HERC1: variants seen among roughly 807,000 people sequenced by gnomAD.
HERC1 encodes probable E3 ubiquitin-protein ligase HERC1.
HERC1 carries 160 observed loss-of-function variants against 554.3 expected under a neutral mutation model. The ratio of observed to expected loss-of-function variants is 0.29; its 90% confidence interval spans 0.25 to 0.33. The LOEUF is 0.33. HERC1 is among the 10% of genes least tolerant of loss of function. The probability of loss-of-function intolerance (pLI) is 1.00; values close to 1 mark genes in which losing one functional copy is unlikely to be tolerated. For missense variants in HERC1, 4,919 were observed against 5,918.5 expected (o/e 0.83, Z 5.54); for synonymous variants, 2,175 against 2,131.7 (o/e 1.02, Z -0.56).
At chr15:63,733,851 C>CA (rs200133130) in intron 13 of HERC1, among the ~76,000 whole-genome samples, 5,385 of 149,908 alleles carry the variant, frequency 0.036, 101 homozygotes, top group Middle Eastern at 0.1. Context: ...AACCCTGTCT[C>CA]AAAAAGAAAA....
chr15:63,656,057 G>A, intron 49 of HERC1, 31 bp downstream of exon 49: 2 of 1,605,496 alleles, frequency 1.2e-6, no homozygotes, highest in Non-Finnish European at 1.7e-6. Context: ...AATAATCAAT[G>A]TAACGGGGAA....
chr15:63,756,739 C>T lies in HERC1; in HGVS notation c.1231G>A (p.Gly411Arg). 1 of 1,573,232 alleles carries T rather than the reference C, an allele frequency of 6.4e-7. No homozygotes were observed. The highest frequency in any genetic ancestry group is 8.6e-7 in the Non-Finnish European group (1 of 1,158,968). ...GAAATGACAAAAGTGCAGTACTGTC[C>T]AGCTTCAATCTATAAACAAAGAATC... ...SFSDAQTIEAGQYCTFVISTD... is the reference protein window; with the variant it reads ...SFSDAQTIEARQYCTFVISTD... The change falls in exon 5 of 78, where the codon GGA becomes AGA. Residue 411 changes from glycine to arginine, a missense_variant. Physicochemically the swap from Gly to Arg is moderately radical, Grantham distance 125. Transcript: ENST00000443617. This position sits in a 1 kb window ranked among gnomAD's most constrained non-coding sequence, Gnocchi z 5.0.
intron 1 of HERC1, among the ~76,000 whole-genome samples, chr15:63,819,305 T>C (rs1222470163): frequency 6.6e-6 from 1 of 152,232 alleles, no homozygotes; most frequent in Non-Finnish European, 1.5e-5. Flanking sequence ...CATGGAAATT[T>C]GTCAAATGGA....
chr15:63,621,809 C>T (rs147348338), intron 74 of HERC1, among the ~76,000 whole-genome samples: 30 of 152,240 alleles, frequency 2.0e-4, no homozygotes, highest in Admixed American at 1.2e-3. Context: ...GCATTCATCA[C>T]GTAGTTTTCG....
intron 69 of HERC1, among the ~76,000 whole-genome samples, chr15:63,629,930 AC>A (rs1215275511): frequency 6.6e-6 from 1 of 151,814 alleles, no homozygotes; most frequent in Non-Finnish European, 1.5e-5. Context: ...GAATACATCA[AC>A]CTCTTGAGTC....
At chr15:63,774,558 G>C (rs2076062014) in intron 2 of HERC1, 136 bp downstream of exon 2, 2 of 687,762 alleles carry the variant, frequency 2.9e-6, no homozygotes, top group African/African-American at 1.8e-5. Flanking sequence ...TTCACTCCAA[G>C]TATATGAAAT....
At chr15:63,705,826 T>C (rs1031121840) in intron 25 of HERC1, among the ~76,000 whole-genome samples, 1 of 151,820 alleles carries the variant, frequency 6.6e-6, no homozygotes, top group African/African-American at 2.4e-5. Context: ...GCCCAGGAGT[T>C]CAAGACCAGC....
chr15:63,641,255 G>C (rs1268721081), intron 60 of HERC1, among the ~76,000 whole-genome samples: 3 of 152,142 alleles, frequency 2.0e-5, no homozygotes, highest in African/African-American at 7.2e-5. Flanking sequence ...CTTGGTGTTT[G>C]TTTCTTTATT....
rs537109307 is a variant in HERC1 at position 63,677,014 on chromosome 15, T to A, written c.7070+831A>T. The stretch of plus-strand genomic sequence containing the variant: ...AGAAGTGTTCTGGATTTCAGATTTT[T>A]TTCCCAAATTTTGGAATATTTACAT... On this transcript the variant is annotated intron_variant, in intron 37 of 77. Transcript: ENST00000443617. This position sits in a 1 kb window ranked among gnomAD's most constrained non-coding sequence, Gnocchi z 4.4. Among the ~76,000 whole-genome samples, 10 of 152,312 alleles carry A rather than the reference T, an allele frequency of 6.6e-5. No individual in the cohort carries two copies. Among genetic ancestry groups the A allele is most frequent in the Non-Finnish European group, 1.3e-4 (9 of 68,012 alleles).
Position 63,774,783 on chromosome 15 carries a change from T to C in HERC1, c.841A>G (p.Met281Val). The C allele has an allele frequency of 1.2e-6, 2 of 1,614,026 alleles. No individual in the cohort carries two copies. Among genetic ancestry groups the C allele is most frequent in the South Asian group, 2.2e-5 (2 of 91,086 alleles). ...CTTGAGAGTAGTTTGCCTTTCTCCA[T>C]GGTGTGTACAACTGCCGAAGCCCCC... Reference protein sequence around the residue: ...ALGASAVVHTMEKGKLLSSQE... With the variant: ...ALGASAVVHTVEKGKLLSSQE... Residue 281 changes from methionine to valine, a missense_variant, in exon 2 of 78, where the codon ATG becomes GTG. Physicochemically the swap from Met to Val is conservative, Grantham distance 21 (BLOSUM62 1). Transcript: ENST00000443617.
intron 11 of HERC1, 54 bp downstream of exon 11, chr15:63,747,670 A>G (rs2075104212): frequency 9.5e-7 from 1 of 1,048,350 alleles, no homozygotes; most frequent in Non-Finnish European, 1.4e-6. Context: ...ATACACATGC[A>G]CACACGCGCG....
chr15:63,645,511 C>T lies in HERC1; in HGVS notation c.11050G>A (p.Gly3684Arg). The T allele has an allele frequency of 6.2e-7, 1 of 1,611,436 alleles. No individual in the cohort carries two copies. The highest frequency in any genetic ancestry group is 8.5e-7 in the Non-Finnish European group (1 of 1,178,876). The change falls in exon 56 of 78, where the codon GGA (glycine) becomes AGA (arginine). Residue 3684 changes from glycine to arginine, a missense_variant. Gly to Arg is a moderately radical substitution (Grantham distance 125). Transcript: ENST00000443617. Reference sequence around the variant, plus strand: ...GCCATCAGTAACTGCAACTTGGATCCTTTCCCTGGAAGGCGGCACCAAGCA... The same window carrying T: ...GCCATCAGTAACTGCAACTTGGATCTTTTCCCTGGAAGGCGGCACCAAGCA... ...GIAWCRLPGK[G>R]SKLQLLMATG...
At chr15:63,621,467 G>A (rs941891335) in intron 74 of HERC1, among the ~76,000 whole-genome samples, 6 of 152,034 alleles carry the variant, frequency 3.9e-5, no homozygotes, top group African/African-American at 1.2e-4. Flanking sequence ...TGACAATTAT[G>A]TGTCTTGGAG....
At chr15:63,757,891 G>A (rs967579722) in intron 4 of HERC1, among the ~76,000 whole-genome samples, 3 of 151,744 alleles carry the variant, frequency 2.0e-5, no homozygotes, top group African/African-American at 7.3e-5. Context: ...TGTATTTTTA[G>A]TAGAGATAGG....
intron 1 of HERC1, among the ~76,000 whole-genome samples, chr15:63,777,338 C>T (rs1313122432): frequency 6.6e-6 from 1 of 152,186 alleles, no homozygotes; most frequent in Non-Finnish European, 1.5e-5. Flanking sequence ...CATGATCCTC[C>T]ATCCCACCCT....
rs773997240 is a variant in HERC1, at chr15:63,675,084, T to C, written c.7104A>G (p.Pro2368=). 3 of 1,608,334 alleles carry C rather than the reference T, an allele frequency of 1.9e-6. No individual in the cohort carries two copies. Among genetic ancestry groups the C allele is most frequent in the South Asian group, 2.2e-5 (2 of 90,624 alleles). ...GTTCACAGGGTTCCAGATTATACAA[T>C]GGAGTATCACTAGGCGACCAAAAAG... is the stretch of plus-strand genomic sequence containing the variant. ...FPTFWSPSDT[P]LYNLEPCEPL... is the part of the protein sequence containing the mutation. Residue 2368 remains proline, a synonymous_variant, in exon 38 of 78, where the codon CCA becomes CCG. Coordinates refer to ENST00000443617, the MANE Select transcript of HERC1 (RefSeq NM_003922.4).
intron 1 of HERC1, among the ~76,000 whole-genome samples, chr15:63,806,188 T>C (rs145073616): frequency 1.2e-3 from 183 of 151,600 alleles, no homozygotes; most frequent in Middle Eastern, 3.4e-3. Flanking sequence ...CTCTTTGAGA[T>C]AGGGTCTTGC....
At chr15:63,670,226 T>C (rs944657005) in intron 39 of HERC1, among the ~76,000 whole-genome samples, 2 of 152,164 alleles carry the variant, frequency 1.3e-5, no homozygotes, top group African/African-American at 2.4e-5. Context: ...ATGAATGATA[T>C]GTCAGCGGCA....
At position 63,692,544 on chromosome 15, in the gene HERC1, T is replaced by C; in HGVS notation, c.5697A>G (p.Ala1899=). Residue 1899 remains alanine (A), a synonymous_variant, in exon 31 of 78, where the codon GCA becomes GCG. Transcript: ENST00000443617. This position sits in a 1 kb window ranked among gnomAD's most constrained non-coding sequence, Gnocchi z 4.7. ...AAAAATCCCCTAGATGGAGTTCGGC[T>C]GCATGTTGTTTCCTAAGAGCAGCTA... ...DFRAALRKQH[A]AELHLGDFLV... 6.2e-7 allele frequency: 1 copy of C among 1,608,964 alleles called. No homozygotes were observed. Among genetic ancestry groups the C allele is most frequent in the Non-Finnish European group, 8.5e-7 (1 of 1,178,468 alleles).
Sources: allele counts gnomAD v4.1 joint callset (sites outside exome capture counted in the v4.1 genomes callset), GRCh38; gene constraint gnomAD v4.1.1; non-coding constraint Gnocchi (gnomAD v3.1); transcripts MANE v1.5; gene names NCBI Gene and HGNC (gene_info 2026-07-23, HGNC 2026-07-21).